Variants in RELN observed in about 807,000 individuals in gnomAD.
RELN encodes the protein reelin.
RELN carries 108 observed loss-of-function variants against 427.6 expected under a neutral mutation model. That is an observed-to-expected ratio of 0.25 (90% CI 0.22 to 0.30). The LOEUF is 0.30. Ranked by LOEUF, RELN falls within the 10% of genes least tolerant of loss-of-function variation. The pLI is 1.00. For synonymous variants in RELN, 1,524 were observed against 1,513.4 expected, an observed-to-expected ratio of 1.01 and a Z score of -0.16; for missense variants, 3,715 against 4,302.8, an observed-to-expected ratio of 0.86 and a Z score of 3.82.
intron 6 of RELN, among the ~76,000 whole-genome samples, chr7:103,746,463 T>C (rs201874085): frequency 0.21 from 32,172 of 150,332 alleles, 4,580 homozygotes; most frequent in African/African-American, 0.41. Context: ...AAGAAACTAC[T>C]ATCAGAGTGA....
At chr7:103,657,596 T>A (rs1387448227) in intron 12 of RELN, among the ~76,000 whole-genome samples, 9 of 152,208 alleles carry the variant, frequency 5.9e-5, no homozygotes, top group Middle Eastern at 3.4e-3. Context: ...ATGAACTGCA[T>A]CTGCCCTTCA....
At chr7:103,566,998 T>C (rs1009267285) in intron 31 of RELN, among the ~76,000 whole-genome samples, 2 of 152,212 alleles carry the variant, frequency 1.3e-5, no homozygotes, top group African/African-American at 2.4e-5. Flanking sequence ...TGCTCAGCTT[T>C]GTATGAGTGA....
intron 6 of RELN, among the ~76,000 whole-genome samples, chr7:103,733,375 A>G (rs1471636600): frequency 7.0e-6 from 1 of 142,500 alleles, no homozygotes; most frequent in African/African-American, 2.6e-5. Flanking sequence ...TGTGGAAGTC[A>G]GTGTGGCGAT....
chr7:103,490,602 C>G lies in RELN; in HGVS notation c.9605+66G>C. The G allele has an allele frequency of 2.6e-6, 4 of 1,535,912 alleles. No homozygotes were observed. The South Asian group carries it at 4.5e-5, about 17-fold the overall frequency. ...GCCTCACACTGTCAGTTGTTTTCAGCTCACTGCATGAACTCTGTAGAGAGG... is the reference window on the plus strand; with the variant it reads ...GCCTCACACTGTCAGTTGTTTTCAGGTCACTGCATGAACTCTGTAGAGAGG... On this transcript the variant is annotated intron_variant, in intron 59 of 64. Transcript: ENST00000428762.
intron 2 of RELN, among the ~76,000 whole-genome samples, chr7:103,906,892 G>A (rs1795218729): frequency 6.6e-6 from 1 of 152,114 alleles, no homozygotes; most frequent in African/African-American, 2.4e-5. Context: ...CAGAGGTTTT[G>A]AGCCACGGAT....
intron 3 of RELN, among the ~76,000 whole-genome samples, chr7:103,798,507 C>A (rs993950275): frequency 2.0e-5 from 3 of 152,076 alleles, no homozygotes; most frequent in African/African-American, 7.2e-5. Context: ...AGTTATAAGG[C>A]CAGGAAGAAG....
At chr7:103,795,677 G>A (rs1198749888) in intron 3 of RELN, among the ~76,000 whole-genome samples, 2 of 152,172 alleles carry the variant, frequency 1.3e-5, no homozygotes, top group Non-Finnish European at 2.9e-5. Flanking sequence ...TAAAGGTATA[G>A]TCAAAAGTGA....
At position 103,498,231 on chromosome 7, in the gene RELN, C is replaced by G; in HGVS notation, c.8689G>C (p.Asp2897His). ...TLKTFLKERF[D>H]SEEIKPDLWM... ...AAGTCAGGTTTGATTTCTTCACTGTCAAAGCGTTCCTTCAGGAAAGTCTGG... is the reference window on the plus strand; with the variant it reads ...AAGTCAGGTTTGATTTCTTCACTGTGAAAGCGTTCCTTCAGGAAAGTCTGG... The change falls in exon 54 of 65, where the codon GAC becomes CAC. Residue 2897 changes from aspartate to histidine, a missense_variant. By Grantham distance (81) the Asp-to-His change is moderately conservative. Around this residue, in one of 4 missense-constraint regions of RELN, gnomAD observed 1,310 missense variants for 1,643.0 expected, o/e 0.80. Transcript: ENST00000428762. 6.2e-7 allele frequency: 1 copy of G among 1,613,886 alleles called. No homozygotes were observed. Among genetic ancestry groups the G allele is most frequent in the Non-Finnish European group, 8.5e-7 (1 of 1,179,942 alleles).
At chr7:103,880,852 G>A (rs902820464) in intron 2 of RELN, among the ~76,000 whole-genome samples, 6 of 151,832 alleles carry the variant, frequency 4.0e-5, no homozygotes, top group African/African-American at 9.7e-5. Flanking sequence ...GCCACCATGC[G>A]CAGCTAATTT....
chr7:103,796,631 G>A (rs1792304957), intron 3 of RELN, among the ~76,000 whole-genome samples: 1 of 152,150 alleles, frequency 6.6e-6, no homozygotes, highest in African/African-American at 2.4e-5. Flanking sequence ...TACTCTGAGA[G>A]GCCATGGTGG....
intron 10 of RELN, among the ~76,000 whole-genome samples, chr7:103,694,269 A>G (rs1214874577): frequency 6.6e-6 from 1 of 152,148 alleles, no homozygotes; most frequent in Non-Finnish European, 1.5e-5. Context: ...GTTACTCACT[A>G]CTTGTGACAG....
chr7:103,773,337 C>A (rs867404988), intron 4 of RELN, among the ~76,000 whole-genome samples: 1 of 58,362 alleles, frequency 1.7e-5, no homozygotes, highest in Non-Finnish European at 3.0e-5. Flanking sequence ...CTCTCTCCCT[C>A]GCTTCCTCTC....
At chr7:103,743,959 C>T (rs1790744967) in intron 6 of RELN, among the ~76,000 whole-genome samples, 1 of 152,180 alleles carries the variant, frequency 6.6e-6, no homozygotes, top group African/African-American at 2.4e-5. Context: ...ACAGAATATA[C>T]ATTCTTTTCA....
At chr7:103,798,497 A>T (rs1264478727) in intron 3 of RELN, among the ~76,000 whole-genome samples, 1 of 152,176 alleles carries the variant, frequency 6.6e-6, no homozygotes, top group African/African-American at 2.4e-5. Context: ...AAGCTAAACC[A>T]GTTATAAGGC....
intron 1 of RELN, among the ~76,000 whole-genome samples, chr7:103,952,671 C>T (rs1796357122): frequency 6.6e-6 from 1 of 152,124 alleles, no homozygotes; most frequent in Admixed American, 6.5e-5. Flanking sequence ...TAAATGGAGA[C>T]ATGAAGAAGT....
At chr7:103,742,116 G>A (rs1477233870) in intron 6 of RELN, among the ~76,000 whole-genome samples, 3 of 152,170 alleles carry the variant, frequency 2.0e-5, no homozygotes, top group Non-Finnish European at 4.4e-5. Context: ...ACCAATATTT[G>A]CTGTTCTGCA....
At position 103,540,049 on chromosome 7, in the gene RELN, C is replaced by G. The variant is rs1232636862; in HGVS notation, c.6930+148G>C. On this transcript the variant is annotated intron_variant, in intron 44 of 64. Coordinates refer to ENST00000428762, the MANE Select transcript of RELN (RefSeq NM_005045.4). The stretch of plus-strand genomic sequence containing the variant: ...AATGAAAGGAAGCTAAATGCCATAT[C>G]TAATCTAGCTGCGTGCCCTTGGGCA... 3 of 776,728 alleles carry G rather than the reference C, an allele frequency of 3.9e-6. No homozygotes were observed. The East Asian group carries it at 7.7e-5, about 20-fold the overall frequency. 48.1% of individuals were successfully genotyped at this position (776,728 alleles called of 1,614,324 possible).
intron 46 of RELN, among the ~76,000 whole-genome samples, chr7:103,533,733 T>C (rs1243989008): frequency 6.7e-6 from 1 of 149,600 alleles, no homozygotes; most frequent in Non-Finnish European, 1.5e-5. Flanking sequence ...AATTAAAAGA[T>C]AGATTAAAAG....
chr7:103,744,304 GA>G (rs1171533482), intron 6 of RELN, among the ~76,000 whole-genome samples: 1 of 151,890 alleles, frequency 6.6e-6, no homozygotes, highest in Admixed American at 6.6e-5. Flanking sequence ...GCCCACAAGA[GA>G]AAGCAGGAAA....
Sources: allele counts gnomAD v4.1 joint callset (sites outside exome capture counted in the v4.1 genomes callset), GRCh38; gene constraint gnomAD v4.1.1; regional missense constraint gnomAD v4.1.1; transcripts MANE v1.5; gene names NCBI Gene and HGNC (gene_info 2026-07-23, HGNC 2026-07-21).